The following PHF21A variants were observed in gnomAD, a reference collection of about 807,000 sequenced individuals.
PHF21A encodes the protein PHD finger protein 21A.
In PHF21A, 11 loss-of-function variants were observed where a neutral mutation model predicts 82.5. The ratio of observed to expected loss-of-function variants is 0.13; its 90% CI spans 0.08 to 0.22. The LOEUF (loss-of-function observed/expected upper bound fraction) is 0.22. PHF21A is among the 10% of genes least tolerant of loss of function. The pLI is 1.00. For missense variants in PHF21A, 579 were observed against 837.8 expected (o/e 0.69, Z 3.81); for synonymous variants, 297 against 302.8 (o/e 0.98, Z 0.20).
At chr11:45,952,834 A>T (rs982157498) in intron 11 of PHF21A, among the ~76,000 whole-genome samples, 1 of 152,250 alleles carries the variant, frequency 6.6e-6, no homozygotes, top group Non-Finnish European at 1.5e-5. Context: ...ATTCATCATC[A>T]TATTACCTGT....
intron 7 of PHF21A, among the ~76,000 whole-genome samples, chr11:45,973,102 TAAAAACTAAATTAATTA>T (rs1226645278): frequency 2.0e-5 from 3 of 152,052 alleles, no homozygotes; most frequent in Non-Finnish European, 4.4e-5. Flanking sequence ...TAAATAAAAA[TAAAAACTAAATTAATTA>T]AATGTAATTA....
chr11:46,000,594 T>A (rs1470903518), intron 6 of PHF21A, among the ~76,000 whole-genome samples: 1 of 152,206 alleles, frequency 6.6e-6, no homozygotes, highest in East Asian at 1.9e-4. Flanking sequence ...CTAATGATTT[T>A]AATCCAACCC....
At chr11:46,004,600 A>G (rs543852881) in intron 6 of PHF21A, among the ~76,000 whole-genome samples, 2 of 152,268 alleles carry the variant, frequency 1.3e-5, no homozygotes, top group South Asian at 4.1e-4. Flanking sequence ...GTTTTAAAGA[A>G]CTGTGCTCAT....
chr11:46,087,515 CAT>C (rs2096870398), intron 3 of PHF21A, among the ~76,000 whole-genome samples: 1 of 151,808 alleles, frequency 6.6e-6, no homozygotes, highest in South Asian at 2.1e-4. Context: ...TGTAGAAAAA[CAT>C]ATGAAGGATT....
intron 1 of PHF21A, among the ~76,000 whole-genome samples, chr11:46,106,361 A>G (rs2097152394): frequency 6.6e-6 from 1 of 152,230 alleles, no homozygotes; most frequent in Non-Finnish European, 1.5e-5. Flanking sequence ...CAATAATTAC[A>G]ATATGTTTTG....
At chr11:46,072,821 C>T (rs1378407898) in intron 6 of PHF21A, among the ~76,000 whole-genome samples, 1 of 152,096 alleles carries the variant, frequency 6.6e-6, no homozygotes, top group Admixed American at 6.5e-5. Context: ...GAAGCTGCAA[C>T]CACGATGGCT....
At chr11:46,048,372 T>C (rs1592477544) in intron 6 of PHF21A, among the ~76,000 whole-genome samples, 2 of 152,232 alleles carry the variant, frequency 1.3e-5, no homozygotes, top group African/African-American at 4.8e-5. Flanking sequence ...CAAATAATAT[T>C]CTACTGTATG....
At chr11:46,004,066 G>T (rs1460114240) in intron 6 of PHF21A, among the ~76,000 whole-genome samples, 1 of 152,030 alleles carries the variant, frequency 6.6e-6, no homozygotes, top group African/African-American at 2.4e-5. Flanking sequence ...TACAGAGTTG[G>T]TTTTTTTAAA....
chr11:45,935,353 T>A, intron 18 of PHF21A: 13 of 854,096 alleles, frequency 1.5e-5, no homozygotes, highest in Admixed American at 2.3e-5. Flanking sequence ...ATGGCTACAC[T>A]GTTGTAGCTG....
intron 6 of PHF21A, among the ~76,000 whole-genome samples, chr11:46,020,415 C>T (rs1025761181): frequency 5.3e-5 from 8 of 152,030 alleles, no homozygotes; most frequent in Admixed American, 2.0e-4. Flanking sequence ...TGGGTCTTTG[C>T]GCAGCAGCAG....
intron 6 of PHF21A, among the ~76,000 whole-genome samples, chr11:46,058,098 T>C (rs1405377790): frequency 2.6e-5 from 4 of 152,188 alleles, no homozygotes; most frequent in African/African-American, 9.7e-5. Context: ...GGATCTCACT[T>C]AAACCTGCAG....
In PHF21A at chr11:46,061,214, T is replaced by C. The variant is rs373348305; in HGVS notation, c.153+15540A>G. Among the ~76,000 whole-genome samples, 51 of 152,328 alleles carry C rather than the reference T, an allele frequency of 3.3e-4. No homozygotes were observed. The South Asian group carries it at 0.01, about 31-fold the overall frequency. ...TGCTGTTTTGGTCACTGTGACCCTGTAGTATAGTTTGAAGTCGGTTAGCAT... is the reference window on the plus strand; with the variant it reads ...TGCTGTTTTGGTCACTGTGACCCTGCAGTATAGTTTGAAGTCGGTTAGCAT... On this transcript the variant is annotated intron_variant, in intron 6 of 18. Coordinates refer to ENST00000676320, the MANE Select transcript of PHF21A (RefSeq NM_001352027.3).
At chr11:46,114,823 G>A (rs2097268258) in intron 1 of PHF21A, among the ~76,000 whole-genome samples, 1 of 152,172 alleles carries the variant, frequency 6.6e-6, no homozygotes, top group Admixed American at 6.5e-5. Flanking sequence ...CCTTTCTGCT[G>A]CTCCTTCTCC....
At chr11:46,106,614 T>C (rs1183115656) in intron 1 of PHF21A, among the ~76,000 whole-genome samples, 1 of 152,240 alleles carries the variant, frequency 6.6e-6, no homozygotes, top group Non-Finnish European at 1.5e-5. Context: ...AATTGCTTTT[T>C]AAGACATCTT....
At chr11:46,031,393 T>G (rs1364728941) in intron 6 of PHF21A, among the ~76,000 whole-genome samples, 1 of 152,106 alleles carries the variant, frequency 6.6e-6, no homozygotes, top group African/African-American at 2.4e-5. Context: ...GTCACTTCCT[T>G]GGATAAACAA....
chr11:46,030,784 G>T (rs769917277), intron 6 of PHF21A, among the ~76,000 whole-genome samples: 1 of 149,384 alleles, frequency 6.7e-6, no homozygotes, highest in Admixed American at 6.7e-5. Flanking sequence ...AGAAGGTGAC[G>T]ATCATTTCTT....
chr11:45,972,759 C>T (rs1054805060), intron 7 of PHF21A, among the ~76,000 whole-genome samples: 2 of 152,156 alleles, frequency 1.3e-5, no homozygotes, highest in African/African-American at 4.8e-5. Flanking sequence ...ACTAAAAATA[C>T]AAAAATCAGC....
At chr11:46,003,959 G>A (rs986398329) in intron 6 of PHF21A, among the ~76,000 whole-genome samples, 1 of 152,124 alleles carries the variant, frequency 6.6e-6, no homozygotes, top group African/African-American at 2.4e-5. Flanking sequence ...ATGAAAATAT[G>A]TATCATCCTC....
At chr11:45,962,607 A>G (rs1214805963) in intron 10 of PHF21A, among the ~76,000 whole-genome samples, 4 of 151,178 alleles carry the variant, frequency 2.6e-5, no homozygotes, top group Non-Finnish European at 5.9e-5. Context: ...AAGAGAGAAC[A>G]TTGGCCAGGC....
Sources: allele counts gnomAD v4.1 joint callset (sites outside exome capture counted in the v4.1 genomes callset), GRCh38; gene constraint gnomAD v4.1.1; transcripts MANE v1.5; gene names NCBI Gene and HGNC (gene_info 2026-07-23, HGNC 2026-07-21).